The following ABCC9 variants were observed in gnomAD, a reference collection of about 807,000 sequenced individuals.
The protein encoded by ABCC9 is ATP binding cassette subfamily C member 9.
ABCC9 carries 95 observed loss-of-function variants against 188.3 expected under a neutral mutation model. The observed-to-expected ratio is 0.50, with a 90% CI of 0.43 to 0.60. ABCC9 has a LOEUF of 0.60. Ranked by LOEUF, ABCC9 falls within the 20% of genes least tolerant of loss-of-function variation. ABCC9 has a pLI of 0.00. For synonymous variants in ABCC9, 659 were observed against 652.7 expected, an observed-to-expected ratio of 1.01 and a Z score of -0.15; for missense variants, 1,102 against 1,876.3, an observed-to-expected ratio of 0.59 and a Z score of 7.62.
chr12:21,899,026 A>T (rs1211932302), intron 12 of ABCC9, among the ~76,000 whole-genome samples: 1 of 152,238 alleles, frequency 6.6e-6, no homozygotes, highest in Non-Finnish European at 1.5e-5. Context: ...ACAAGTTAAA[A>T]AACTGCAAAT....
chr12:21,856,176 T>C (rs1945216707), intron 22 of ABCC9, among the ~76,000 whole-genome samples: 1 of 152,144 alleles, frequency 6.6e-6, no homozygotes, highest in Admixed American at 6.5e-5. Flanking sequence ...TTGTCAAATA[T>C]AACCTTTTCT....
At chr12:21,903,874 C>A (rs1351497730) in intron 12 of ABCC9, among the ~76,000 whole-genome samples, 2 of 152,174 alleles carry the variant, frequency 1.3e-5, no homozygotes, top group African/African-American at 4.8e-5. Flanking sequence ...TTTATAGATT[C>A]AATGCTATCC....
rs766329925 is a variant in ABCC9 at position 21,809,970 on chromosome 12, T to C, written c.4212-15A>G. On this transcript the variant is annotated splice_polypyrimidine_tract_variant and intron_variant, in intron 36 of 39. Coordinates refer to ENST00000261200, the MANE Select transcript of ABCC9 (RefSeq NM_020297.4). ...CTAAATTAAATCTGTAGGGAAAAATTAGTTAATTAGTCAATAAGTGAAAAT... is the reference window on the plus strand; with the variant it reads ...CTAAATTAAATCTGTAGGGAAAAATCAGTTAATTAGTCAATAAGTGAAAAT... 2.1e-6 allele frequency: 3 copies of C among 1,435,330 alleles called. No homozygotes were observed. The highest frequency in any genetic ancestry group is 2.9e-6 in the Non-Finnish European group (3 of 1,019,834). The allele number at this position is 1,435,330 out of a possible 1,614,324, so 88.9% of individuals were successfully genotyped here.
At chr12:21,851,701 A>G (rs1182657866) in intron 24 of ABCC9, among the ~76,000 whole-genome samples, 1 of 152,138 alleles carries the variant, frequency 6.6e-6, no homozygotes, top group Admixed American at 6.6e-5. Flanking sequence ...TGACTTTCCA[A>G]TGACCCTCTA....
chr12:21,890,884 T>C (rs958688256), intron 14 of ABCC9, among the ~76,000 whole-genome samples: 7 of 151,986 alleles, frequency 4.6e-5, no homozygotes, highest in African/African-American at 1.7e-4. Context: ...GACGAGTTAA[T>C]GGGTGCAGCA....
At chr12:21,866,590 A>G (rs922408954) in intron 18 of ABCC9, among the ~76,000 whole-genome samples, 5 of 152,142 alleles carry the variant, frequency 3.3e-5, no homozygotes, top group Non-Finnish European at 5.9e-5. Context: ...TTCTCCCCCA[A>G]CTTAGAACTA....
At chr12:21,870,708 T>C (rs1228202323) in intron 18 of ABCC9, among the ~76,000 whole-genome samples, 1 of 152,236 alleles carries the variant, frequency 6.6e-6, no homozygotes, top group African/African-American at 2.4e-5. Context: ...CTTCAGTACA[T>C]GCATTTCTGT....
intron 15 of ABCC9, among the ~76,000 whole-genome samples, 182 bp downstream of exon 15, chr12:21,887,644 G>A (rs1040790930): frequency 1.3e-5 from 2 of 152,086 alleles, no homozygotes; most frequent in Non-Finnish European, 2.9e-5. Context: ...ATAAAGACAA[G>A]CCTTATACAT....
chr12:21,826,460 T>G (rs189618432), intron 31 of ABCC9, among the ~76,000 whole-genome samples: 1 of 152,314 alleles, frequency 6.6e-6, no homozygotes, highest in East Asian at 1.9e-4. Flanking sequence ...ATGAGGTCAT[T>G]TATATGTGCA....
chr12:21,923,997 C>T, intron 5 of ABCC9: 1 of 535,010 alleles, frequency 1.9e-6, no homozygotes, highest in Admixed American at 3.4e-5. Context: ...AAAAAGAAGC[C>T]TTACTTAAAA....
intron 25 of ABCC9, among the ~76,000 whole-genome samples, chr12:21,846,265 T>A (rs187905822): frequency 5.4e-4 from 82 of 152,340 alleles, no homozygotes; most frequent in Non-Finnish European, 1.0e-4. Context: ...TACTCCATGC[T>A]GTCTATGGCC....
Position 21,878,956 on chromosome 12 carries a change from A to G in ABCC9, c.2020-3230T>C, listed in dbSNP as rs141897743. Among the ~76,000 whole-genome samples, 440 of 152,322 alleles carry G rather than the reference A, an allele frequency of 2.9e-3. 1 individual carries two copies. The highest frequency in any genetic ancestry group is 0.01 in the African/African-American group (426 of 41,570). On this transcript the variant is annotated intron_variant, in intron 16 of 39. Coordinates refer to ENST00000261200, the MANE Select transcript of ABCC9 (RefSeq NM_020297.4). Reference sequence around the variant, plus strand: ...ACTAGATGTCTGAACTTGGAAAGTCAGCTAATATATAAATCAGTCTTTGCA... The same window carrying G: ...ACTAGATGTCTGAACTTGGAAAGTCGGCTAATATATAAATCAGTCTTTGCA...
intron 8 of ABCC9, among the ~76,000 whole-genome samples, chr12:21,912,075 T>G (rs1427622786): frequency 6.6e-6 from 1 of 151,946 alleles, no homozygotes; most frequent in African/African-American, 2.4e-5. Flanking sequence ...GAGAGTCAGA[T>G]TCCAACTAGG....
At chr12:21,908,559 T>C (rs1948154668) in intron 10 of ABCC9, among the ~76,000 whole-genome samples, 1 of 151,984 alleles carries the variant, frequency 6.6e-6, no homozygotes, top group Admixed American at 6.6e-5. Context: ...TAAAAGGGCA[T>C]AAATTTTTTC....
intron 29 of ABCC9, among the ~76,000 whole-genome samples, chr12:21,841,501 GGC>G (rs1294498545): frequency 1.3e-5 from 2 of 151,568 alleles, no homozygotes; most frequent in African/African-American, 4.8e-5. Flanking sequence ...TGGGATTACA[GGC>G]GGGTGCCACC....
intron 39 of ABCC9, among the ~76,000 whole-genome samples, chr12:21,804,837 G>C (rs1275570572): frequency 6.6e-6 from 1 of 152,152 alleles, no homozygotes; most frequent in Non-Finnish European, 1.5e-5. Flanking sequence ...CATTCTCCAG[G>C]GCAGGTAAGA....
intron 24 of ABCC9, among the ~76,000 whole-genome samples, chr12:21,849,991 A>G (rs938216929): frequency 6.6e-6 from 1 of 151,922 alleles, no homozygotes; most frequent in African/African-American, 2.4e-5. Flanking sequence ...CAAGCACTGC[A>G]TTAGGAAATT....
chr12:21,922,761 T>C (rs971373529), intron 5 of ABCC9, among the ~76,000 whole-genome samples: 3 of 149,186 alleles, frequency 2.0e-5, no homozygotes, highest in Non-Finnish European at 3.0e-5. Flanking sequence ...CTTTTTTTTT[T>C]TTTTTTGGAG....
At chr12:21,893,403 C>A (rs973715805) in intron 14 of ABCC9, among the ~76,000 whole-genome samples, 3 of 152,172 alleles carry the variant, frequency 2.0e-5, no homozygotes, top group African/African-American at 7.2e-5. Flanking sequence ...TGAACATTCT[C>A]TGTCACTATT....
Sources: gnomAD v4.1 joint callset for allele counts (sites outside exome capture counted in the v4.1 genomes callset) on GRCh38, gnomAD v4.1.1 for gene constraint, MANE v1.5 for transcripts, NCBI Gene and HGNC (gene_info 2026-07-23, HGNC 2026-07-21) for gene names.